CALD1: variants seen among roughly 807,000 people sequenced by gnomAD.
CALD1 encodes caldesmon.
In CALD1, 33 loss-of-function variants were observed where a neutral mutation model predicts 99.9. The observed-to-expected ratio is 0.33, with a 90% CI of 0.25 to 0.44. The LOEUF (loss-of-function observed/expected upper bound fraction) is 0.44. Among genes scored for constraint, CALD1 ranks in the 20% least tolerant of loss-of-function variants. The pLI is 1.00. For missense variants in CALD1, 861 were observed against 962.1 expected (o/e 0.89, Z 1.39); for synonymous variants, 310 against 325.0 (o/e 0.95, Z 0.50).
intron 3 of CALD1, among the ~76,000 whole-genome samples, chr7:134,870,181 G>A (rs1475801822): frequency 6.6e-6 from 1 of 152,198 alleles, no homozygotes; most frequent in East Asian, 1.9e-4. Flanking sequence ...AGCATGCTAG[G>A]AAACCAAAGT....
chr7:134,967,287 A>C (rs929250750), intron 14 of CALD1, among the ~76,000 whole-genome samples: 8 of 144,612 alleles, frequency 5.5e-5, no homozygotes, highest in African/African-American at 1.7e-4. Context: ...AGTAGTAATA[A>C]TATAACCACC....
chr7:134,954,516 C>T (rs1005267525), intron 9 of CALD1, among the ~76,000 whole-genome samples: 15 of 152,088 alleles, frequency 9.9e-5, no homozygotes, highest in African/African-American at 3.6e-4. Context: ...AGCAGGAGTG[C>T]ATCAGTAAAC....
Position 134,970,517 on chromosome 7 carries a change from T to C in CALD1, c.*2172T>C, listed in dbSNP as rs1808971690. ...GTAAAACTGCAAGCTGACTAGCATG[T>C]TCTGTGAATCTGCCATTCCTAAAAA... is the stretch of plus-strand genomic sequence containing the variant. On this transcript the variant is annotated 3_prime_UTR_variant, in exon 15 of 15. Transcript: ENST00000361675. 2 of 152,804 alleles carry C rather than the reference T, an allele frequency of 1.3e-5. No homozygotes were observed. The highest frequency in any genetic ancestry group is 2.1e-4 in the South Asian group (1 of 4,830). The allele number at this position is 152,804 out of a possible 1,614,324, so 9.5% of individuals were successfully genotyped here. A position where few individuals can be genotyped will look rare whatever the true frequency, so the allele number is the denominator to read the frequency against.
rs6954959 is a variant in CALD1 at position 134,888,418 on chromosome 7, A to C, written c.71+20614A>C. ...ATTCTCTGCTATGCAGTGAAAGCAC[A>C]CAGGCCTGTAGGTCTCTGCAGGACC... On this transcript the variant is annotated intron_variant, in intron 3 of 14. Transcript: ENST00000361675. Among the ~76,000 whole-genome samples the C allele has an allele frequency of 5.2e-3, 797 of 152,316 alleles. 8 individuals are homozygous for C. The highest frequency in any genetic ancestry group is 0.018 in the African/African-American group (755 of 41,566).
upstream of CALD1, among the ~76,000 whole-genome samples, chr7:134,742,062 T>C (rs1432695077): frequency 7.2e-6 from 1 of 139,748 alleles, no homozygotes; most frequent in Non-Finnish European, 1.5e-5. Context: ...CACACATTTG[T>C]GATGTATGTC....
intron 1 of CALD1, among the ~76,000 whole-genome samples, chr7:134,745,770 T>G (rs74553582): frequency 0.027 from 4,070 of 152,332 alleles, 167 homozygotes; most frequent in African/African-American, 0.093. Context: ...TCATCTTCTT[T>G]TAATGTCCCA....
In CALD1 at chr7:134,947,511, C is replaced by A; in HGVS notation, c.1536C>A (p.Arg512=). ...KLKHTENTFS[R]PGGRASVDTK... ...TTCCATTGCCCCCCAACCACAGCCG[C>A]CCTGGAGGGAGGGCCAGCGTGGACA... The change falls in exon 8 of 15, where the codon CGC becomes CGA. Residue 512 remains arginine, a synonymous_variant. Coordinates refer to ENST00000361675, the MANE Select transcript of CALD1 (RefSeq NM_033138.4). 1 of 1,568,168 alleles carries A rather than the reference C, an allele frequency of 6.4e-7. No homozygotes were observed. Among genetic ancestry groups the A allele is most frequent in the African/African-American group, 1.4e-5 (1 of 73,654 alleles).
At chr7:134,942,504 G>A (rs1443549299) in intron 7 of CALD1, among the ~76,000 whole-genome samples, 1 of 152,166 alleles carries the variant, frequency 6.6e-6, no homozygotes, top group Non-Finnish European at 1.5e-5. Context: ...GTGTAAGAAA[G>A]GTAGAATCTA....
intron 12 of CALD1, 107 bp downstream of exon 12, chr7:134,960,218 G>A: frequency 7.6e-7 from 1 of 1,316,988 alleles, no homozygotes; most frequent in Non-Finnish European, 1.1e-6. Flanking sequence ...TGAAGAAGGT[G>A]CAATTTGTAC....
intron 1 of CALD1, among the ~76,000 whole-genome samples, chr7:134,780,990 T>C (rs1026964739): frequency 2.0e-5 from 3 of 152,206 alleles, no homozygotes; most frequent in African/African-American, 7.2e-5. Flanking sequence ...TGAGATTCAT[T>C]AAATAAAGTT....
At chr7:134,900,546 G>A (rs1485177034) in intron 3 of CALD1, among the ~76,000 whole-genome samples, 2 of 152,098 alleles carry the variant, frequency 1.3e-5, no homozygotes, top group Non-Finnish European at 2.9e-5. Context: ...TGCTACCCAG[G>A]CCTAGCCCTC....
chr7:134,786,951 G>A (rs542696596), intron 1 of CALD1, among the ~76,000 whole-genome samples: 38 of 152,208 alleles, frequency 2.5e-4, no homozygotes, highest in African/African-American at 7.7e-4. Context: ...ATTCTGATTC[G>A]GTAGGTCTAG....
chr7:134,839,821 C>A (rs1327557527), intron 1 of CALD1, among the ~76,000 whole-genome samples: 2 of 152,148 alleles, frequency 1.3e-5, no homozygotes, highest in African/African-American at 4.8e-5. Context: ...CCCCATGTAG[C>A]TGAGACTACA....
At chr7:134,833,281 G>A (rs1275842703) in intron 1 of CALD1, among the ~76,000 whole-genome samples, 1 of 152,116 alleles carries the variant, frequency 6.6e-6, no homozygotes, top group Non-Finnish European at 1.5e-5. Context: ...CTATCCTTTG[G>A]AGATAAACAT....
upstream of CALD1, among the ~76,000 whole-genome samples, chr7:134,775,399 A>G (rs1452952116): frequency 6.6e-6 from 1 of 152,184 alleles, no homozygotes; most frequent in Admixed American, 6.5e-5. Flanking sequence ...AAAATACGTC[A>G]TTTGGAGATT....
intron 1 of CALD1, among the ~76,000 whole-genome samples, chr7:134,839,567 T>A (rs1799571350): frequency 6.6e-6 from 1 of 152,212 alleles, no homozygotes; most frequent in South Asian, 2.1e-4. Flanking sequence ...CCATTTTGAT[T>A]TATGTCTTTT....
chr7:134,724,977 G>A, the CALD1 span, among the ~76,000 whole-genome samples: 1 of 152,220 alleles, frequency 6.6e-6, no homozygotes, highest in Admixed American at 6.5e-5. Context: ...CCTCTGCAAA[G>A]CTTCAGCTAA....
At chr7:134,742,016 TACAC>T (rs112633191), upstream of CALD1, among the ~76,000 whole-genome samples, 4,597 of 147,974 alleles carry the variant, frequency 0.031, 181 homozygotes, top group African/African-American at 0.095. Context: ...GAGGTATTGA[TACAC>T]ACACACACAC....
chr7:134,966,526 T>C (rs944658874), intron 14 of CALD1, among the ~76,000 whole-genome samples: 1 of 152,200 alleles, frequency 6.6e-6, no homozygotes, highest in Non-Finnish European at 1.5e-5. Flanking sequence ...CCAGTCACCA[T>C]GTGAGGTAAG....
Sources: allele counts gnomAD v4.1 joint callset (sites outside exome capture counted in the v4.1 genomes callset), GRCh38; gene constraint gnomAD v4.1.1; transcripts MANE v1.5; gene names NCBI Gene and HGNC (gene_info 2026-07-23, HGNC 2026-07-21).